Variants in SVIL observed in about 807,000 individuals in gnomAD.
SVIL encodes the protein supervillin.
Under a neutral mutation model 240.4 loss-of-function variants are expected in SVIL, and 101 were observed. The ratio of observed to expected loss-of-function variants is 0.42; its 90% confidence interval spans 0.36 to 0.50. The LOEUF (loss-of-function observed/expected upper bound fraction) is 0.50, where lower values mean the gene tolerates loss of function less well. Among genes scored for constraint, SVIL ranks in the 20% least tolerant of loss-of-function variants. SVIL has a pLI of 0.01. For synonymous variants in SVIL, 999 were observed against 1,100.0 expected (o/e 0.91, Z 1.82); for missense variants, 2,512 against 2,818.7 (o/e 0.89, Z 2.46).
chr10:29,526,934 C>A, intron 13 of SVIL, 27 bp downstream of exon 13: 1 of 1,513,678 alleles, frequency 6.6e-7, no homozygotes, highest in African/African-American at 1.4e-5. Flanking sequence ...GCACCGGGTG[C>A]CGCATGCATC....
intron 2 of SVIL, among the ~76,000 whole-genome samples, chr10:29,659,486 C>T (rs554759098): frequency 9.2e-5 from 14 of 152,172 alleles, no homozygotes; most frequent in Non-Finnish European, 1.6e-4. Flanking sequence ...GAAACCACAG[C>T]TGAATTCCTT....
At chr10:29,481,507 TG>T (rs1222354413) in intron 28 of SVIL, 76 bp downstream of exon 28, 55 of 1,581,172 alleles carry the variant, frequency 3.5e-5, no homozygotes, top group Non-Finnish European at 4.2e-5. Context: ...TATCCTGATT[TG>T]ATCATTTTAC....
chr10:29,582,816 A>ACAT (rs1313398706), intron 1 of SVIL, among the ~76,000 whole-genome samples: 2 of 152,050 alleles, frequency 1.3e-5, no homozygotes, highest in African/African-American at 2.4e-5. Flanking sequence ...GCATCCCAGG[A>ACAT]CATAAGGTGC....
At chr10:29,496,734 A>C (rs2132423376) in intron 18 of SVIL, among the ~76,000 whole-genome samples, 1 of 152,366 alleles carries the variant, frequency 6.6e-6, no homozygotes, top group Middle Eastern at 3.4e-3. Flanking sequence ...ACAACCAGTC[A>C]CCTACTCTCT....
At chr10:29,725,006 G>A (rs1327635353) in intron 1 of SVIL, among the ~76,000 whole-genome samples, 4 of 126,972 alleles carry the variant, frequency 3.2e-5, no homozygotes, top group Non-Finnish European at 6.2e-5. Context: ...TCCAGCCTGG[G>A]CTACAGAGTG....
At position 29,473,880 on chromosome 10, in the gene SVIL, C is replaced by T. The variant is rs766365480; in HGVS notation, c.5487G>A (p.Ser1829=). The change falls in exon 30 of 38, where the codon TCG becomes TCA. Residue 1829 remains serine, a synonymous_variant. Coordinates refer to ENST00000355867, the MANE Select transcript of SVIL (RefSeq NM_021738.3). ...CGTCCAGCTCCACCGTCATCAGCGC[C>T]GACGTGCCCTTCTCACTCACGGTGG... ...RHSTVSEKGT[S]ALMTVELDEE... is the part of the protein sequence containing the mutation. 18 of 1,613,900 alleles carry T rather than the reference C, an allele frequency of 1.1e-5. No homozygotes were observed. The highest frequency in any genetic ancestry group is 2.2e-5 in the South Asian group (2 of 91,078).
At chr10:29,536,647 C>T (rs888438053) in intron 6 of SVIL, among the ~76,000 whole-genome samples, 8 of 152,038 alleles carry the variant, frequency 5.3e-5, no homozygotes, top group Admixed American at 3.3e-4. Flanking sequence ...CAGTGGCTCA[C>T]GCCTGTAATC....
rs375482424 is a variant in SVIL at position 29,531,991 on chromosome 10, C to A, written c.2009+11G>T. ...TTCCTGGATGAGGAAACTGCGCATA[C>A]GCATGCCTACCTATCCGATTCCTTT... On this transcript the variant is annotated intron_variant, in intron 9 of 37. Transcript: ENST00000355867. 2 of 1,613,882 alleles carry A rather than the reference C, an allele frequency of 1.2e-6. No individual in the cohort carries two copies. Among genetic ancestry groups the A allele is most frequent in the Non-Finnish European group, 8.5e-7 (1 of 1,179,836 alleles).
chr10:29,544,977 T>C (rs1338645789), intron 6 of SVIL: 1 of 534,246 alleles, frequency 1.9e-6, no homozygotes, highest in Non-Finnish European at 3.8e-6. Flanking sequence ...ATGTCTGTTC[T>C]TTAGAATGGC....
At chr10:29,563,841 G>A (rs899404934) in intron 2 of SVIL, among the ~76,000 whole-genome samples, 1 of 152,138 alleles carries the variant, frequency 6.6e-6, no homozygotes, top group African/African-American at 2.4e-5. Flanking sequence ...TAAAGGAAGT[G>A]AGCCCTTACT....
At chr10:29,522,194 TCCAAACCAGGCTCATTA>T (rs2132528423) in intron 16 of SVIL, among the ~76,000 whole-genome samples, 199 bp downstream of exon 16, 1 of 152,264 alleles carries the variant, frequency 6.6e-6, no homozygotes, top group African/African-American at 2.4e-5. Context: ...ACCAGCCCTG[TCCAAACCAGGCTCATTA>T]CCAAACCAGG....
At chr10:29,513,874 TG>T (rs1950026575) in intron 16 of SVIL, among the ~76,000 whole-genome samples, 1 of 152,088 alleles carries the variant, frequency 6.6e-6, no homozygotes, top group Non-Finnish European at 1.5e-5. Context: ...ACTGGAATCC[TG>T]AAAGGTTATT....
At chr10:29,564,087 A>G (rs1954755711) in intron 2 of SVIL, among the ~76,000 whole-genome samples, 1 of 152,064 alleles carries the variant, frequency 6.6e-6, no homozygotes, top group Admixed American at 6.6e-5. Flanking sequence ...GGCCCTGCAA[A>G]AAGCACCTGC....
In SVIL at chr10:29,532,018, G is replaced by A. The variant is rs756413759; in HGVS notation, c.1993C>T (p.Arg665Ter). ...FRTQPITSAE[R>*]KESDRCTSHS... ...CATGCCTACCTATCCGATTCCTTTC[G>A]TTCTGCTGAAGTTATAGGTTGGGTT... The change falls in exon 9 of 38, where the codon CGA becomes TGA. Residue 665 changes from arginine (R) to a stop codon, truncating the protein, a stop_gained. Transcript: ENST00000355867. LOFTEE classifies it high-confidence loss of function. 1.2e-5 allele frequency: 19 copies of A among 1,614,020 alleles called. No individual in the cohort carries two copies. The highest frequency in any genetic ancestry group is 1.6e-4 in the Middle Eastern group (1 of 6,084).
At chr10:29,563,491 G>T (rs1443655607) in intron 2 of SVIL, among the ~76,000 whole-genome samples, 199 bp from the exon 3 acceptor site, 4 of 152,022 alleles carry the variant, frequency 2.6e-5, no homozygotes, top group Non-Finnish European at 4.4e-5. Context: ...TTGATTTTTT[G>T]TGCAACTAAT....
intron 1 of SVIL, among the ~76,000 whole-genome samples, chr10:29,705,313 A>T (rs1358541607): frequency 1.3e-5 from 2 of 152,180 alleles, no homozygotes; most frequent in Admixed American, 1.3e-4. Context: ...TAATTCCTGG[A>T]AACTGTGAAT....
At chr10:29,528,188 T>C (rs1050725767) in intron 12 of SVIL, among the ~76,000 whole-genome samples, 1 of 152,166 alleles carries the variant, frequency 6.6e-6, no homozygotes, top group Non-Finnish European at 1.5e-5. Context: ...AAATATTTCT[T>C]TTTTTAAAAA....
chr10:29,671,335 T>G (rs868640412), intron 2 of SVIL, among the ~76,000 whole-genome samples: 4 of 152,198 alleles, frequency 2.6e-5, no homozygotes, highest in Non-Finnish European at 5.9e-5. Flanking sequence ...TCAATAACAT[T>G]TTGGAAGTCC....
At chr10:29,644,771 T>C (rs1222171690) in intron 3 of SVIL, among the ~76,000 whole-genome samples, 4 of 152,152 alleles carry the variant, frequency 2.6e-5, no homozygotes, top group African/African-American at 9.7e-5. Context: ...CTGGGCCATG[T>C]CTCCTTGACA....
Sources: allele counts gnomAD v4.1 joint callset (sites outside exome capture counted in the v4.1 genomes callset), GRCh38; gene constraint gnomAD v4.1.1; transcripts MANE v1.5; gene names NCBI Gene and HGNC (gene_info 2026-07-23, HGNC 2026-07-21).